The following GOLGA3 variants were observed in gnomAD, a reference collection of about 807,000 sequenced individuals.
GOLGA3 encodes golgin A3.
GOLGA3 carries 75 observed loss-of-function variants against 169.4 expected under a neutral mutation model. That is an observed-to-expected ratio of 0.44 (90% CI 0.37 to 0.54). GOLGA3 has a LOEUF of 0.54. GOLGA3 is among the 20% of genes least tolerant of loss of function. The pLI is 0.00. For missense variants in GOLGA3, 1,899 were observed against 1,930.0 expected (o/e 0.98, Z 0.30); for synonymous variants, 824 against 822.4 (o/e 1.00, Z -0.03).
Position 132,778,052 on chromosome 12 carries a change from C to T in GOLGA3, c.3583-247G>A, listed in dbSNP as rs902910298. On this transcript the variant is annotated intron_variant, in intron 18 of 23. Coordinates refer to ENST00000450791, the MANE Select transcript of GOLGA3 (RefSeq NM_001389683.1). ...ATGAACACATTTATTCGAGATTTCTCGGTCTAAATAGTTTTTATAGTCTTC... is the reference window on the plus strand; with the variant it reads ...ATGAACACATTTATTCGAGATTTCTTGGTCTAAATAGTTTTTATAGTCTTC... Among the ~76,000 whole-genome samples, 9 of 152,224 alleles carry T rather than the reference C, an allele frequency of 5.9e-5. No individual in the cohort carries two copies. The South Asian group carries it at 1.0e-3, about 17-fold the overall frequency.
In GOLGA3 at chr12:132,776,990, G is replaced by T. The variant is rs2045283322; in HGVS notation, c.3823C>A (p.Gln1275Lys). 4.4e-6 allele frequency: 7 copies of T among 1,608,062 alleles called. No homozygotes were observed. Among genetic ancestry groups the T allele is most frequent in the Admixed American group, 3.4e-5 (2 of 58,894 alleles). Residue 1275 changes from glutamine to lysine, a missense_variant, in exon 20 of 24, where the codon CAG (glutamine) becomes AAG (lysine). Transcript: ENST00000450791. Reference protein sequence around the residue: ...LQLLQKQLDEQLSKQPVGNQE... With the variant: ...LQLLQKQLDEKLSKQPVGNQE... ...TTTCCCACGGGCTGTTTGCTGAGCT[G>T]CTCGTCCAGCTGCTTCTGCAGGAGC... is the stretch of plus-strand genomic sequence containing the variant.
At chr12:132,817,542 C>G (rs112286485) in intron 2 of GOLGA3, among the ~76,000 whole-genome samples, 3 of 23,566 alleles carry the variant, frequency 1.3e-4, no homozygotes, top group African/African-American at 1.2e-4. Context: ...CTAAGGTGAA[C>G]CCACCCTCCA....
Position 132,774,240 on chromosome 12 carries a change from C to T in GOLGA3, c.4224G>A (p.Ser1408=), listed in dbSNP as rs779753708. ...IKIPDCPVPA[S]LLEELLRPPP... ...GTGGTCTCAGCAGCTCCTCCAGCAGCGAGGCGGGAACTGGGCAGTCCGGGA... is the reference window on the plus strand; with the variant it reads ...GTGGTCTCAGCAGCTCCTCCAGCAGTGAGGCGGGAACTGGGCAGTCCGGGA... The change falls in exon 23 of 24, where the codon TCG becomes TCA. Residue 1408 remains serine (S), a synonymous_variant. Transcript: ENST00000450791. 11 of 1,612,066 alleles carry T rather than the reference C, an allele frequency of 6.8e-6. No homozygotes were observed. Among genetic ancestry groups the T allele is most frequent in the African/African-American group, 4.0e-5 (3 of 74,946 alleles).
chr12:132,807,522 G>A (rs994725236), intron 5 of GOLGA3, among the ~76,000 whole-genome samples: 4 of 152,310 alleles, frequency 2.6e-5, no homozygotes, highest in South Asian at 2.1e-4. Flanking sequence ...TGCAAGCGTC[G>A]TGCAGCTTAG....
intron 12 of GOLGA3, among the ~76,000 whole-genome samples, 166 bp downstream of exon 12, chr12:132,791,050 C>CAAAAAAAAAAAAAAAA (rs771719474): frequency 7.6e-5 from 4 of 52,650 alleles, no homozygotes; most frequent in East Asian, 1.0e-3. Context: ...GACTCCGTCT[C>CAAAAAAAAAAAAAAAA]AAAAAAAAAA....
chr12:132,814,974 T>G (rs929617186), intron 3 of GOLGA3, among the ~76,000 whole-genome samples: 2 of 152,162 alleles, frequency 1.3e-5, no homozygotes, highest in South Asian at 2.1e-4. Context: ...ACGGCCTGGG[T>G]GCCGACCAGA....
chr12:132,782,249 A>C lies in GOLGA3; in HGVS notation c.3465+47T>G, dbSNP rs769724858. The C allele has an allele frequency of 2.0e-6, 3 of 1,484,108 alleles. No homozygotes were observed. In the African/African-American group the frequency reaches 4.1e-5, roughly 20 times the overall value. The allele number at this position is 1,484,108 out of a possible 1,614,324, so 91.9% of individuals were successfully genotyped here. ...AGATTCTCGGAGTGCGCACAGCCCC[A>C]CCAACTCTCACACCGTTGCTGGCGT... On this transcript the variant is annotated intron_variant, in intron 17 of 23. Transcript: ENST00000450791.
At chr12:132,815,706 G>A (rs1949925952) in intron 3 of GOLGA3, among the ~76,000 whole-genome samples, 1 of 151,368 alleles carries the variant, frequency 6.6e-6, no homozygotes, top group Admixed American at 6.6e-5. Flanking sequence ...GACCAGCCTG[G>A]GAAACATGGT....
rs930573194 is a variant in GOLGA3, at chr12:132,822,252, CAGG to C, written c.-127_-125del. On this transcript the variant is annotated 5_prime_UTR_variant, in exon 2 of 24. Coordinates refer to ENST00000450791, the MANE Select transcript of GOLGA3 (RefSeq NM_001389683.1). ...GGGGCCCTACTGTGTCTCCCATTTT[CAGG>C]AGAAGATCTGATGACTCACAAATGA... 5 of 1,416,994 alleles carry C rather than the reference CAGG, an allele frequency of 3.5e-6. No individual in the cohort carries two copies. The African/African-American group carries it at 4.5e-5, about 13-fold the overall frequency. The allele number at this position is 1,416,994 out of a possible 1,614,324, so 87.8% of individuals were successfully genotyped here. A position where few individuals can be genotyped will look rare whatever the true frequency, so the allele number is the denominator to read the frequency against.
chr12:132,796,020 C>G lies in GOLGA3; in HGVS notation c.2301G>C (p.Thr767=), dbSNP rs758610071. 6.2e-7 allele frequency: 1 copy of G among 1,613,004 alleles called. No homozygotes were observed. Residue 767 remains threonine (T), a synonymous_variant, in exon 11 of 24, where the codon ACG becomes ACC. Coordinates refer to ENST00000450791, the MANE Select transcript of GOLGA3 (RefSeq NM_001389683.1). ...LQGEAASRED[T]ICLLQNEKII... ...TCTTCTCGTTCTGCAGGAGGCAGAT[C>G]GTGTCCTCCCTGGAGGCGGCCTCGC...
At chr12:132,789,648 C>T (rs930827844) in intron 12 of GOLGA3, among the ~76,000 whole-genome samples, 12 of 113,954 alleles carry the variant, frequency 1.1e-4, no homozygotes, top group African/African-American at 3.6e-4. Context: ...GCAGGACTCA[C>T]GACACCGCTT....
chr12:132,796,401 C>T (rs183915606), intron 10 of GOLGA3, 138 bp downstream of exon 10: 244 of 1,176,260 alleles, frequency 2.1e-4, no homozygotes, highest in Non-Finnish European at 2.7e-4. Context: ...GCAGCAGCAG[C>T]GTCTGACCGA....
chr12:132,799,992 C>G (rs1048355103), intron 8 of GOLGA3, among the ~76,000 whole-genome samples: 1 of 152,150 alleles, frequency 6.6e-6, no homozygotes, highest in Non-Finnish European at 1.5e-5. Context: ...CGGCCCGCCT[C>G]GGCCTCCCAA....
Position 132,804,652 on chromosome 12 carries a change from GGAA to G in GOLGA3, c.1597+61_1597+63del, listed in dbSNP as rs1949301714. 18 of 1,372,808 alleles carry G rather than the reference GGAA, an allele frequency of 1.3e-5. No homozygotes were observed. In the South Asian group the frequency reaches 1.9e-4, roughly 15 times the overall value. The allele number at this position is 1,372,808 out of a possible 1,614,324, so 85.0% of individuals were successfully genotyped here. A position where few individuals can be genotyped will look rare whatever the true frequency, so the allele number is the denominator to read the frequency against. On this transcript the variant is annotated intron_variant, in intron 7 of 23. Transcript: ENST00000450791. This position sits in a 1 kb window ranked among gnomAD's most constrained non-coding sequence, Gnocchi z 4.1. ...GGAGGGCGTGGCGGGGGCCAGTCGA[GGAA>G]GGAGGAGGGAGCAGCAGGGACCAGT...
chr12:132,792,761 CTGA>C (rs1276188055), intron 11 of GOLGA3, among the ~76,000 whole-genome samples: 2 of 129,596 alleles, frequency 1.5e-5, no homozygotes, highest in Non-Finnish European at 3.3e-5. Flanking sequence ...TCCACACGGA[CTGA>C]CCGCACGGGA....
In GOLGA3 at chr12:132,786,737, C is replaced by A; in HGVS notation, c.2862G>T (p.Glu954Asp). The stretch of plus-strand genomic sequence containing the variant: ...ACTCTTCGATTTGTTTCTTCAGCGC[C>A]TCATTGGCCTCTGTGACCGCGACCA... ...EQMVAVTEANEALKKQIEELQ... is the reference protein window; with the variant it reads ...EQMVAVTEANDALKKQIEELQ... The change falls in exon 14 of 24, where the codon GAG becomes GAT. Residue 954 changes from glutamate to aspartate, a missense_variant. Glu to Asp is a conservative substitution (Grantham distance 45). Transcript: ENST00000450791. 2 of 1,613,594 alleles carry A rather than the reference C, an allele frequency of 1.2e-6. No individual in the cohort carries two copies. Among genetic ancestry groups the A allele is most frequent in the South Asian group, 2.2e-5 (2 of 91,078 alleles).
Position 132,777,906 on chromosome 12 carries a change from T to C in GOLGA3, c.3583-101A>G. 1 of 1,306,436 alleles carries C rather than the reference T, an allele frequency of 7.7e-7. No homozygotes were observed. Among genetic ancestry groups the C allele is most frequent in the Non-Finnish European group, 1.0e-6 (1 of 954,302 alleles). 80.9% of individuals were successfully genotyped at this position (1,306,436 alleles called of 1,614,324 possible). ...GAATGCACTCCCGGCCCCGTGCATG[T>C]CCTGGCTGCCGGCGTGTGCTTCTCC... On this transcript the variant is annotated intron_variant, in intron 18 of 23. Transcript: ENST00000450791. This position sits in a 1 kb window ranked among gnomAD's most constrained non-coding sequence, Gnocchi z 4.7.
intron 11 of GOLGA3, among the ~76,000 whole-genome samples, chr12:132,795,191 A>G (rs2136456185): frequency 1.3e-5 from 2 of 151,936 alleles, no homozygotes; most frequent in Non-Finnish European, 2.9e-5. Context: ...ATCTCAAAAA[A>G]AAAAAAAAAG....
intron 2 of GOLGA3, among the ~76,000 whole-genome samples, chr12:132,817,595 G>A (rs112923820): frequency 1.7e-3 from 1 of 584 alleles, no homozygotes; most frequent in Non-Finnish European, 5.0e-3. Flanking sequence ...ACTCCTCCAC[G>A]CTCTAAGGTG....
Sources: gnomAD v4.1 joint callset for allele counts (sites outside exome capture counted in the v4.1 genomes callset) on GRCh38, gnomAD v4.1.1 for gene constraint, Gnocchi (gnomAD v3.1) non-coding constraint, MANE v1.5 for transcripts, NCBI Gene and HGNC (gene_info 2026-07-23, HGNC 2026-07-21) for gene names.